Variants in GPLD1 observed in about 807,000 individuals in gnomAD.
GPLD1 encodes glycosylphosphatidylinositol specific phospholipase D1.
A neutral mutation model predicts 112.6 loss-of-function variants in GPLD1; 84 were observed. That is an observed-to-expected ratio of 0.75 (90% CI 0.63 to 0.89). The LOEUF (loss-of-function observed/expected upper bound fraction) is 0.89, where lower values mean the gene tolerates loss of function less well. GPLD1 is among the 40% of genes least tolerant of loss of function. The pLI, the probability that GPLD1 is intolerant of heterozygous loss-of-function variation, is 0.00. For synonymous variants in GPLD1, 386 were observed against 403.8 expected (o/e 0.96, Z 0.53); for missense variants, 1,044 against 1,051.5 (o/e 0.99, Z 0.10).
At position 24,476,264 on chromosome 6, in the gene GPLD1, C is replaced by T. The variant is rs1184000717; in HGVS notation, c.247G>A (p.Val83Met). ...SICKGGKFHD[V>M]SESTHWTPFL... ...GGAGTCCAGTGAGTGCTCTCAGACA[C>T]ATCATGGAATTTTCCTGACAAAACA... Residue 83 changes from valine to methionine, a missense_variant, in exon 4 of 25, where the codon GTG becomes ATG. Val to Met is a conservative substitution (Grantham distance 21, BLOSUM62 1). Transcript: ENST00000230036. The T allele has an allele frequency of 2.6e-6, 4 of 1,545,126 alleles. No homozygotes were observed. The highest frequency in any genetic ancestry group is 1.4e-5 in the African/African-American group (1 of 73,436).
At chr6:24,473,974 A>C (rs1333353317) in intron 5 of GPLD1, among the ~76,000 whole-genome samples, 2 of 152,048 alleles carry the variant, frequency 1.3e-5, no homozygotes, top group African/African-American at 4.8e-5. Context: ...AAAATACAAA[A>C]AATTGGCCGG....
chr6:24,475,326 ACTG>A, intron 4 of GPLD1, 95 bp from the exon 5 acceptor site: 1 of 715,942 alleles, frequency 1.4e-6, no homozygotes, highest in Admixed American at 2.3e-5. Context: ...CATTTATGTT[ACTG>A]AGACCTAACA....
chr6:24,467,969 C>T (rs542519657), intron 7 of GPLD1, among the ~76,000 whole-genome samples: 1 of 152,004 alleles, frequency 6.6e-6, no homozygotes, highest in African/African-American at 2.4e-5. Context: ...TGCAATGGTG[C>T]AATCTCCGTT....
intron 13 of GPLD1, 61 bp from the exon 14 acceptor site, chr6:24,454,262 C>G (rs1487433531): frequency 8.2e-7 from 1 of 1,222,412 alleles, no homozygotes; most frequent in Non-Finnish European, 1.1e-6. Context: ...AAGCTGTCGC[C>G]TGCTTCTTTC....
chr6:24,492,854 A>C (rs1044744862), upstream of GPLD1, among the ~76,000 whole-genome samples: 2 of 152,250 alleles, frequency 1.3e-5, no homozygotes, highest in Admixed American at 1.3e-4. Flanking sequence ...GCCTTTGTGA[A>C]GTACTTCCTG....
chr6:24,449,638 C>T (rs1763016629), intron 15 of GPLD1, 151 bp downstream of exon 15: 1 of 592,254 alleles, frequency 1.7e-6, no homozygotes, highest in Non-Finnish European at 3.0e-6. Context: ...GCAAGAACCC[C>T]ATAGGGGCCT....
chr6:24,449,672 C>A, intron 15 of GPLD1, 117 bp downstream of exon 15: 3 of 697,954 alleles, frequency 4.3e-6, no homozygotes, highest in Non-Finnish European at 7.5e-6. Context: ...CACAAATGCT[C>A]TGTCTCACAC....
chr6:24,494,187 T>C (rs1000481622), upstream of GPLD1, among the ~76,000 whole-genome samples: 3 of 152,210 alleles, frequency 2.0e-5, no homozygotes, highest in African/African-American at 4.8e-5. Flanking sequence ...TAGTATGACT[T>C]TGAACGCTAT....
At chr6:24,471,162 A>G (rs1449777789) in intron 7 of GPLD1, among the ~76,000 whole-genome samples, 1 of 152,238 alleles carries the variant, frequency 6.6e-6, no homozygotes, top group African/African-American at 2.4e-5. Flanking sequence ...GACATATCAG[A>G]AAGCCCAGAA....
intron 10 of GPLD1, among the ~76,000 whole-genome samples, chr6:24,465,452 A>G (rs1763573804): frequency 6.6e-6 from 1 of 152,008 alleles, no homozygotes; most frequent in African/African-American, 2.4e-5. Context: ...AGGCACAAGA[A>G]TCACTTGAGC....
intron 20 of GPLD1, among the ~76,000 whole-genome samples, chr6:24,438,659 T>A (rs982590089): frequency 1.3e-5 from 2 of 152,210 alleles, no homozygotes; most frequent in Non-Finnish European, 2.9e-5. Flanking sequence ...AGCTTTCTGA[T>A]ACAGGGCAAA....
intron 1 of GPLD1, among the ~76,000 whole-genome samples, chr6:24,487,176 A>T (rs1764405163): frequency 6.6e-6 from 1 of 152,240 alleles, no homozygotes; most frequent in African/African-American, 2.4e-5. Flanking sequence ...ACAAATACAA[A>T]TAACCTGTGT....
chr6:24,494,609 G>A (rs200736937), intron 1 of GPLD1, among the ~76,000 whole-genome samples: 31 of 152,322 alleles, frequency 2.0e-4, no homozygotes, highest in East Asian at 3.9e-4. Context: ...ATGCTAAGGG[G>A]AGAGAGTGGG....
At chr6:24,482,944 C>CA (rs993424879) in intron 2 of GPLD1, among the ~76,000 whole-genome samples, 13 of 150,982 alleles carry the variant, frequency 8.6e-5, no homozygotes, top group African/African-American at 1.9e-4. Flanking sequence ...GACCCTATCT[C>CA]AAAAAAAATA....
At chr6:24,442,011 T>C (rs1762762063) in intron 20 of GPLD1, among the ~76,000 whole-genome samples, 1 of 148,480 alleles carries the variant, frequency 6.7e-6, no homozygotes, top group African/African-American at 2.4e-5. Context: ...CATGTATATA[T>C]AATATATACA....
exon 1 of GPLD1, chr6:24,495,062 C>T: frequency 7.5e-7 from 1 of 1,340,022 alleles, no homozygotes; most frequent in South Asian, 2.2e-5. Context: ...TTCCAGGCTG[C>T]CGCCTCCGCC....
At chr6:24,447,107 A>G (rs1762935227) in intron 17 of GPLD1, 128 bp from the exon 18 acceptor site, 2 of 701,530 alleles carry the variant, frequency 2.9e-6, no homozygotes, top group Non-Finnish European at 4.9e-6. Flanking sequence ...CAGAGGTCTT[A>G]TATGTCCCCA....
At chr6:24,490,706 T>C (rs1170706545), upstream of GPLD1, among the ~76,000 whole-genome samples, 1 of 151,328 alleles carries the variant, frequency 6.6e-6, no homozygotes, top group African/African-American at 2.4e-5. Context: ...GAGCCGAGAT[T>C]GCACCACTGC....
chr6:24,462,902 T>A, intron 10 of GPLD1, 107 bp from the exon 11 acceptor site: 1 of 828,494 alleles, frequency 1.2e-6, no homozygotes, highest in South Asian at 1.4e-5. Context: ...GCTTAAAGTG[T>A]TTATTACCTA....
Sources: allele counts gnomAD v4.1 joint callset (sites outside exome capture counted in the v4.1 genomes callset), GRCh38; gene constraint gnomAD v4.1.1; transcripts MANE v1.5; gene names NCBI Gene and HGNC (gene_info 2026-07-23, HGNC 2026-07-21).